The following EFCAB6 variants were observed in gnomAD, a reference collection of about 807,000 sequenced individuals.
The protein encoded by EFCAB6 is EF-hand calcium-binding domain-containing protein 6.
A neutral mutation model predicts 169.8 loss-of-function variants in EFCAB6; 156 were observed. The observed-to-expected ratio is 0.92, with a 90% confidence interval of 0.81 to 1.05. The LOEUF is 1.05. Among genes scored for constraint, EFCAB6 ranks in the 50% least tolerant of loss-of-function variants. EFCAB6 has a pLI of 0.00. For missense variants in EFCAB6, 1,800 were observed against 1,829.1 expected (o/e 0.98, Z 0.29); for synonymous variants, 698 against 676.4 (o/e 1.03, Z -0.50).
chr22:43,755,591 C>T (rs1486878260), intron 6 of EFCAB6, among the ~76,000 whole-genome samples, 175 bp downstream of exon 6: 1 of 152,178 alleles, frequency 6.6e-6, no homozygotes, highest in East Asian at 1.9e-4. Context: ...TCAAAGTAGT[C>T]GGAATACAAG....
At chr22:43,671,906 G>A in intron 15 of EFCAB6, 67 bp downstream of exon 15, 1 of 1,550,296 alleles carries the variant, frequency 6.5e-7, no homozygotes, top group Non-Finnish European at 8.7e-7. Flanking sequence ...CACAGAAAAG[G>A]TTTAGAATTA....
At position 43,735,986 on chromosome 22, in the gene EFCAB6, T is replaced by C. The variant is rs1473693875; in HGVS notation, c.515A>G (p.Lys172Arg). Residue 172 changes from lysine (K) to arginine (R), a missense_variant, in exon 7 of 32, where the codon AAA (lysine) becomes AGA (arginine). Physicochemically the swap from Lys to Arg is conservative, Grantham distance 26. Transcript: ENST00000262726. ...LEIQVGEKVFKNIKTVMKAFE... is the reference protein window; with the variant it reads ...LEIQVGEKVFRNIKTVMKAFE... ...GGCTTTCATAACAGTCTTAATGTTT[T>C]TGAAAACCTATGTACAAAAAGTGAT... 6.2e-7 allele frequency: 1 copy of C among 1,610,456 alleles called. No individual in the cohort carries two copies. The highest frequency in any genetic ancestry group is 1.3e-5 in the African/African-American group (1 of 74,788).
At chr22:43,666,798 C>T (rs960946974) in intron 17 of EFCAB6, among the ~76,000 whole-genome samples, 4 of 150,992 alleles carry the variant, frequency 2.6e-5, no homozygotes, top group African/African-American at 7.3e-5. Flanking sequence ...TACTCTCACC[C>T]GCAGGCTGCC....
At chr22:43,578,661 T>C (rs2050420210) in intron 25 of EFCAB6, among the ~76,000 whole-genome samples, 1 of 152,042 alleles carries the variant, frequency 6.6e-6, no homozygotes, top group Non-Finnish European at 1.5e-5. Context: ...CATCATACCC[T>C]ACACGCGGTC....
intron 2 of EFCAB6, among the ~76,000 whole-genome samples, chr22:43,788,497 T>G (rs2062159917): frequency 6.6e-6 from 1 of 152,094 alleles, no homozygotes; most frequent in African/African-American, 2.4e-5. Flanking sequence ...ACATCACTAG[T>G]TATAGAAAAA....
chr22:43,787,868 G>C (rs1308881097), intron 2 of EFCAB6, among the ~76,000 whole-genome samples: 1 of 152,182 alleles, frequency 6.6e-6, no homozygotes, highest in African/African-American at 2.4e-5. Flanking sequence ...GAAAGCAACA[G>C]TGATCAAGAC....
intron 20 of EFCAB6, among the ~76,000 whole-genome samples, chr22:43,616,914 C>G (rs1435214636): frequency 6.6e-6 from 1 of 152,198 alleles, no homozygotes; most frequent in African/African-American, 2.4e-5. Context: ...CTGTGATTTT[C>G]CTTCTTCACC....
chr22:43,582,618 G>A (rs2050800359), intron 24 of EFCAB6, among the ~76,000 whole-genome samples: 1 of 152,150 alleles, frequency 6.6e-6, no homozygotes, highest in Non-Finnish European at 1.5e-5. Flanking sequence ...AGAGATGTGG[G>A]ATATAGGAGA....
At chr22:43,733,508 T>C (rs1249422654) in intron 7 of EFCAB6, among the ~76,000 whole-genome samples, 2 of 152,206 alleles carry the variant, frequency 1.3e-5, no homozygotes, top group Admixed American at 1.3e-4. Flanking sequence ...ATTGTATCTC[T>C]GGCCTCTTGT....
chr22:43,732,202 T>C (rs1054138431), intron 7 of EFCAB6, among the ~76,000 whole-genome samples: 1 of 152,046 alleles, frequency 6.6e-6, no homozygotes, highest in African/African-American at 2.4e-5. Context: ...CTTTAATAAT[T>C]GTAGGGAAAT....
At chr22:43,672,705 C>T (rs1259642211) in intron 13 of EFCAB6, among the ~76,000 whole-genome samples, 1 of 151,962 alleles carries the variant, frequency 6.6e-6, no homozygotes, top group African/African-American at 2.4e-5. Flanking sequence ...AGAATTTTCA[C>T]CCTCAGGAGA....
At position 43,554,662 on chromosome 22, in the gene EFCAB6, T is replaced by C. The variant is rs190894773; in HGVS notation, c.3648+207A>G. The stretch of plus-strand genomic sequence containing the variant: ...ATTTTAAAGGCAACAGTGACAGTAT[T>C]TGTACCCTGATGAAAATGGTGTAAT... On this transcript the variant is annotated intron_variant, in intron 27 of 31. Coordinates refer to ENST00000262726, the MANE Select transcript of EFCAB6 (RefSeq NM_022785.4). 4,060 of 587,112 alleles carry C rather than the reference T, an allele frequency of 6.9e-3. 28 individuals are homozygous for C. Among genetic ancestry groups the C allele is most frequent in the Middle Eastern group, 0.035 (75 of 2,156 alleles). 36.4% of individuals were successfully genotyped at this position (587,112 alleles called of 1,614,324 possible). A position where few individuals can be genotyped will look rare whatever the true frequency, so the allele number is the denominator to read the frequency against.
At chr22:43,652,985 TG>T (rs1335459659) in intron 17 of EFCAB6, among the ~76,000 whole-genome samples, 1 of 151,978 alleles carries the variant, frequency 6.6e-6, no homozygotes, top group Non-Finnish European at 1.5e-5. Flanking sequence ...AACCACAGAT[TG>T]AAAAATGCAG....
intron 2 of EFCAB6, among the ~76,000 whole-genome samples, chr22:43,790,811 G>A (rs1348840913): frequency 1.3e-5 from 2 of 152,188 alleles, no homozygotes; most frequent in South Asian, 2.1e-4. Flanking sequence ...AGAAGACAGC[G>A]GCTCAGACCA....
chr22:43,649,354 A>C (rs2148042513), intron 17 of EFCAB6, among the ~76,000 whole-genome samples: 1 of 152,372 alleles, frequency 6.6e-6, no homozygotes, highest in Admixed American at 6.5e-5. Flanking sequence ...TACCATTTTA[A>C]AACCATAAGA....
intron 16 of EFCAB6, 27 bp from the exon 17 acceptor site, chr22:43,667,299 CCAGTGTCA>C: frequency 6.2e-7 from 1 of 1,607,042 alleles, no homozygotes; most frequent in Non-Finnish European, 8.5e-7. Flanking sequence ...GCATTTAGAC[CCAGTGTCA>C]ACTGACACAC....
chr22:43,740,649 A>G (rs1342387083), intron 6 of EFCAB6, among the ~76,000 whole-genome samples: 1 of 152,176 alleles, frequency 6.6e-6, no homozygotes, highest in Non-Finnish European at 1.5e-5. Flanking sequence ...ACCAAAGAAC[A>G]TTGGCTAACA....
At chr22:43,790,997 C>T (rs1373200263) in intron 2 of EFCAB6, among the ~76,000 whole-genome samples, 1 of 152,164 alleles carries the variant, frequency 6.6e-6, no homozygotes, top group South Asian at 2.1e-4. Context: ...ATCAACACTT[C>T]CATTTTGGAC....
chr22:43,639,632 A>G (rs2055663527), intron 17 of EFCAB6, among the ~76,000 whole-genome samples: 1 of 152,006 alleles, frequency 6.6e-6, no homozygotes, highest in East Asian at 1.9e-4. Flanking sequence ...TTTCTTTGTA[A>G]TATCCTACTT....
Sources: allele counts gnomAD v4.1 joint callset (sites outside exome capture counted in the v4.1 genomes callset), GRCh38; gene constraint gnomAD v4.1.1; transcripts MANE v1.5; gene names NCBI Gene and HGNC (gene_info 2026-07-23, HGNC 2026-07-21).